The following SRSF1 variants were observed in gnomAD, a reference collection of about 807,000 sequenced individuals.
The protein encoded by SRSF1 is serine and arginine rich splicing factor 1, also known as serine/arginine-rich splicing factor 1.
A neutral mutation model predicts 25.9 loss-of-function variants in SRSF1; 1 was observed. That is an observed-to-expected ratio of 0.04 (90% confidence interval 0.01 to 0.18). The LOEUF (loss-of-function observed/expected upper bound fraction) is 0.18, where lower values mean the gene tolerates loss of function less well. Among genes scored for constraint, SRSF1 ranks in the 10% least tolerant of loss-of-function variants. SRSF1 has a pLI of 1.00. For synonymous variants in SRSF1, 132 were observed against 126.2 expected (o/e 1.05, Z -0.31); for missense variants, 65 against 350.5 (o/e 0.19, Z 6.50).
chr17:57,996,759 G>A (rs918499446), downstream of SRSF1, among the ~76,000 whole-genome samples: 1 of 152,142 alleles, frequency 6.6e-6, no homozygotes, highest in Admixed American at 6.5e-5. Context: ...AAAATGTATG[G>A]ATGCTGGGTC....
chr17:58,005,502 G>A lies in SRSF1; in HGVS notation c.651C>T (p.Ser217=), dbSNP rs762358763. 4 of 1,614,084 alleles carry A rather than the reference G, an allele frequency of 2.5e-6. No homozygotes were observed. Among genetic ancestry groups the A allele is most frequent in the East Asian group, 2.2e-5 (1 of 44,882 alleles). ...AACTGCGACTCCTGCTGTTGCTTCT[G>A]CTACGGCTTCTGCTACGACTACGGC... is the stretch of plus-strand genomic sequence containing the variant. ...SRSRSRSRSR[S]RSNSRSRSYS... The change falls in exon 4 of 4, where the codon AGC becomes AGT. Residue 217 remains serine, a synonymous_variant. Transcript: ENST00000258962. This position sits in a 1 kb window ranked among gnomAD's most constrained non-coding sequence, Gnocchi z 5.2.
Position 58,001,024 on chromosome 17 carries a change from G to A in SRSF1, c.*4382C>T, listed in dbSNP as rs764102528. 7.2e-5 allele frequency among the ~76,000 whole-genome samples: 11 copies of A among 152,188 alleles called. No homozygotes were observed. Among genetic ancestry groups the A allele is most frequent in the East Asian group, 3.9e-4 (2 of 5,186 alleles). ...TAAGAGACTGTAATCTGTTTTCTGC[G>A]TTTGCAGTCTTCATACTGTGATGGA... On this transcript the variant is annotated 3_prime_UTR_variant, in exon 4 of 4. Coordinates refer to ENST00000258962, the MANE Select transcript of SRSF1 (RefSeq NM_006924.5).
At chr17:58,000,448 TC>T (rs539805787), downstream of SRSF1, among the ~76,000 whole-genome samples, 1 of 152,176 alleles carries the variant, frequency 6.6e-6, no homozygotes, top group Non-Finnish European at 1.5e-5. Context: ...TGGTCAATGT[TC>T]CTTTAAGTAC....
rs911494882 is a variant in SRSF1, at chr17:58,007,229, C to G, written c.-92G>C. 11 of 1,478,424 alleles carry G rather than the reference C, an allele frequency of 7.4e-6. No individual in the cohort carries two copies. The highest frequency in any genetic ancestry group is 1.0e-5 in the Non-Finnish European group (11 of 1,084,194). 91.6% of individuals were successfully genotyped at this position (1,478,424 alleles called of 1,614,324 possible). On this transcript the variant is annotated 5_prime_UTR_variant, in exon 1 of 4. Coordinates refer to ENST00000258962, the MANE Select transcript of SRSF1 (RefSeq NM_006924.5). ...GCCCGCAGCGGCACCACGTCTCCCG[C>G]GGCCCCTCCAAAATGGCGCCTTTAT...
chr17:57,990,798 A>T, the SRSF1 span: 1 of 152,208 alleles, frequency 6.6e-6, no homozygotes, highest in African/African-American at 2.4e-5. Flanking sequence ...CATCTACCCA[A>T]ACAAAAGTCA....
At chr17:57,997,656 T>C (rs990229070), downstream of SRSF1, among the ~76,000 whole-genome samples, 4 of 152,192 alleles carry the variant, frequency 2.6e-5, no homozygotes, top group Non-Finnish European at 5.9e-5. Flanking sequence ...TTCAGTAATA[T>C]GAATTTGGGT....
chr17:58,000,330 C>T (rs1331461162), downstream of SRSF1, among the ~76,000 whole-genome samples: 3 of 152,118 alleles, frequency 2.0e-5, no homozygotes, highest in Non-Finnish European at 4.4e-5. Context: ...TTACTTTTGG[C>T]AGCATTACTA....
the SRSF1 span, chr17:57,989,412 T>C: frequency 7.5e-6 from 3 of 397,744 alleles, no homozygotes; most frequent in Admixed American, 1.3e-4. Flanking sequence ...GATGGACGCA[T>C]TATTTTAAGA....
chr17:58,006,917 A>G, intron 1 of SRSF1, 27 bp downstream of exon 1: 2 of 1,612,420 alleles, frequency 1.2e-6, no homozygotes, highest in Non-Finnish European at 1.7e-6. Flanking sequence ...CTATTTCCTC[A>G]AGGCTGCAAG....
downstream of SRSF1, among the ~76,000 whole-genome samples, chr17:57,997,090 C>A (rs946305514): frequency 2.6e-5 from 4 of 152,156 alleles, no homozygotes; most frequent in South Asian, 8.3e-4. Flanking sequence ...TAGGAGGCAA[C>A]TATTTAGTCT....
At chr17:58,006,795 C>T in intron 1 of SRSF1, 149 bp downstream of exon 1, 1 of 1,036,782 alleles carries the variant, frequency 9.6e-7, no homozygotes, top group Non-Finnish European at 1.4e-6. Context: ...ATCAACTCAG[C>T]TCCTTACTCG....
At chr17:58,000,753 T>A (rs1282016421), downstream of SRSF1, among the ~76,000 whole-genome samples, 2 of 152,148 alleles carry the variant, frequency 1.3e-5, no homozygotes, top group South Asian at 4.1e-4. Flanking sequence ...TATGAACTCT[T>A]TGGAGACAGA....
Position 58,006,475 on chromosome 17 carries a change from G to C in SRSF1, c.247C>G (p.Arg83Gly). 6.2e-7 allele frequency: 1 copy of C among 1,600,078 alleles called. No individual in the cohort carries two copies. The highest frequency in any genetic ancestry group is 8.5e-7 in the Non-Finnish European group (1 of 1,172,702). Residue 83 changes from arginine to glycine, a missense_variant, in exon 2 of 4, where the codon CGT (arginine) becomes GGT (glycine). Coordinates refer to ENST00000258962, the MANE Select transcript of SRSF1 (RefSeq NM_006924.5). ...GRDGYDYDGYRLRVEFPRSGR... is the reference protein window; with the variant it reads ...GRDGYDYDGYGLRVEFPRSGR... ...CTTCGAGGAAACTCCACCCGCAGAC[G>C]GTACCCATCGTAATCATAGCCGTCG... is the stretch of plus-strand genomic sequence containing the variant.
In SRSF1 at chr17:58,006,924, C is replaced by T. The variant is rs774331647; in HGVS notation, c.194+20G>A. 3.7e-6 allele frequency: 6 copies of T among 1,613,282 alleles called. No homozygotes were observed. The highest frequency in any genetic ancestry group is 5.1e-6 in the Non-Finnish European group (6 of 1,179,408). On this transcript the variant is annotated intron_variant, in intron 1 of 3. Coordinates refer to ENST00000258962, the MANE Select transcript of SRSF1 (RefSeq NM_006924.5). ...ACTCGGACCTATTTCCTCAAGGCTG[C>T]AAGCCCCATGCCGCCTCACCGCGGG...
At chr17:57,998,807 T>C (rs1368034779), downstream of SRSF1, among the ~76,000 whole-genome samples, 1 of 152,250 alleles carries the variant, frequency 6.6e-6, no homozygotes, top group Admixed American at 6.5e-5. Context: ...TGTCCACTTT[T>C]AGTGCTTTAT....
chr17:58,005,780 A>T lies in SRSF1; in HGVS notation c.552+21T>A. On this transcript the variant is annotated intron_variant, in intron 3 of 3. Coordinates refer to ENST00000258962, the MANE Select transcript of SRSF1 (RefSeq NM_006924.5). This position sits in a 1 kb window ranked among gnomAD's most constrained non-coding sequence, Gnocchi z 5.2. The stretch of plus-strand genomic sequence containing the variant: ...ACTGTATCCAATTCTGGTCAAAGAA[A>T]AGAATACGTGTATAACCTACCTCAT... 1 of 1,614,182 alleles carries T rather than the reference A, an allele frequency of 6.2e-7. No homozygotes were observed. Among genetic ancestry groups the T allele is most frequent in the Non-Finnish European group, 8.5e-7 (1 of 1,180,028 alleles).
Position 58,005,311 on chromosome 17 carries a change from G to A in SRSF1, c.*95C>T, listed in dbSNP as rs965165571. On this transcript the variant is annotated 3_prime_UTR_variant, in exon 4 of 4. Transcript: ENST00000258962. The surrounding 1 kb of genome is among the most constrained non-coding windows in gnomAD (Gnocchi z 5.2). ...GCAATTCAACACTTTAGCCCATTCTGAACAAAACAGTTTGAATTAAAAAAT... is the reference window on the plus strand; with the variant it reads ...GCAATTCAACACTTTAGCCCATTCTAAACAAAACAGTTTGAATTAAAAAAT... The A allele has an allele frequency of 7.2e-7, 1 of 1,396,460 alleles. No individual in the cohort carries two copies. Among genetic ancestry groups the A allele is most frequent in the Non-Finnish European group, 9.9e-7 (1 of 1,011,084 alleles). 86.5% of individuals were successfully genotyped at this position (1,396,460 alleles called of 1,614,324 possible). A position where few individuals can be genotyped will look rare whatever the true frequency, so the allele number is the denominator to read the frequency against.
chr17:58,002,622 TTCTA>T lies in SRSF1; in HGVS notation c.*2780_*2783del, dbSNP rs2075399856. ...TTGGAGAAGGGCTTATAAGGCAAAA[TTCTA>T]AATGCCCAGCTTTTTATTAACAATG... On this transcript the variant is annotated 3_prime_UTR_variant, in exon 4 of 4. Coordinates refer to ENST00000258962, the MANE Select transcript of SRSF1 (RefSeq NM_006924.5). 6.6e-6 allele frequency among the ~76,000 whole-genome samples: 1 copy of T among 152,170 alleles called. No individual in the cohort carries two copies. Among genetic ancestry groups the T allele is most frequent in the Non-Finnish European group, 1.5e-5 (1 of 68,042 alleles).
the SRSF1 span, chr17:57,989,974 A>G: frequency 2.6e-6 from 1 of 380,426 alleles, no homozygotes. Flanking sequence ...ATTTTCATTC[A>G]GTGGATAGCA....
Sources: allele counts gnomAD v4.1 joint callset (sites outside exome capture counted in the v4.1 genomes callset), GRCh38; gene constraint gnomAD v4.1.1; non-coding constraint Gnocchi (gnomAD v3.1); transcripts MANE v1.5; gene names NCBI Gene and HGNC (gene_info 2026-07-23, HGNC 2026-07-21).